Variants in AUTS2 observed in about 807,000 individuals in gnomAD.
AUTS2 encodes the protein activator of transcription and developmental regulator AUTS2.
Under a neutral mutation model 112.4 loss-of-function variants are expected in AUTS2, and 17 were observed. That is an observed-to-expected ratio of 0.15 (90% confidence interval 0.10 to 0.23). AUTS2 has a LOEUF of 0.23. AUTS2 is among the 10% of genes least tolerant of loss of function. The pLI is 1.00. For synonymous variants in AUTS2, 751 were observed against 702.7 expected (o/e 1.07, Z -1.09); for missense variants, 1,510 against 1,701.6 (o/e 0.89, Z 1.98).
At chr7:69,607,566 T>C (rs553394023) in intron 1 of AUTS2, among the ~76,000 whole-genome samples, 1 of 152,336 alleles carries the variant, frequency 6.6e-6, no homozygotes, top group Non-Finnish European at 1.5e-5. Context: ...ACAGCTCACT[T>C]TTCTAATTTC....
At chr7:70,068,753 G>T (rs1481047739) in intron 2 of AUTS2, among the ~76,000 whole-genome samples, 1 of 152,166 alleles carries the variant, frequency 6.6e-6, no homozygotes, top group Admixed American at 6.5e-5. Context: ...TCAGATCTTT[G>T]GCTGACATGT....
intron 2 of AUTS2, among the ~76,000 whole-genome samples, chr7:70,114,984 G>A (rs554873695): frequency 8.5e-5 from 13 of 152,118 alleles, no homozygotes; most frequent in Non-Finnish European, 1.5e-4. Context: ...GGAGGAGAAG[G>A]GGGTGGTGTA....
chr7:69,956,426 A>G (rs1797212370), intron 2 of AUTS2, among the ~76,000 whole-genome samples: 1 of 152,068 alleles, frequency 6.6e-6, no homozygotes, highest in Non-Finnish European at 1.5e-5. Context: ...GTTAATACAT[A>G]CTCACCTGTA....
chr7:70,700,514 GAGACGGAATC>G (rs1411749584), intron 6 of AUTS2, among the ~76,000 whole-genome samples: 1 of 152,140 alleles, frequency 6.6e-6, no homozygotes, highest in Admixed American at 6.5e-5. Flanking sequence ...TGAATGACAA[GAGACGGAATC>G]AGTGCGAATC....
At chr7:69,973,818 T>C (rs1797951973) in intron 2 of AUTS2, among the ~76,000 whole-genome samples, 1 of 152,160 alleles carries the variant, frequency 6.6e-6, no homozygotes, top group African/African-American at 2.4e-5. Flanking sequence ...TTTGTATGTA[T>C]CGCTCAATTT....
At chr7:70,252,295 C>G (rs1786642671) in intron 4 of AUTS2, among the ~76,000 whole-genome samples, 1 of 152,084 alleles carries the variant, frequency 6.6e-6, no homozygotes, top group African/African-American at 2.4e-5. Flanking sequence ...CAACCCTTAC[C>G]TTTCATCCTT....
At chr7:69,614,711 T>C (rs1793271996) in intron 1 of AUTS2, among the ~76,000 whole-genome samples, 1 of 152,066 alleles carries the variant, frequency 6.6e-6, no homozygotes, top group Non-Finnish European at 1.5e-5. Flanking sequence ...CTAGAACTCC[T>C]GGTCTCAAGT....
chr7:70,422,062 G>C (rs1795245881), intron 4 of AUTS2, among the ~76,000 whole-genome samples: 1 of 152,024 alleles, frequency 6.6e-6, no homozygotes, highest in South Asian at 2.1e-4. Context: ...TTCTACAAAG[G>C]GCAAAAGTGA....
intron 1 of AUTS2, among the ~76,000 whole-genome samples, chr7:69,651,216 A>G (rs191781826): frequency 1.4e-3 from 207 of 152,326 alleles, no homozygotes; most frequent in African/African-American, 4.9e-3. Context: ...CATCTCTGGC[A>G]AGTAGTGCAT....
intron 4 of AUTS2, among the ~76,000 whole-genome samples, chr7:70,164,855 A>T (rs1045817574): frequency 1.4e-5 from 2 of 142,268 alleles, no homozygotes; most frequent in African/African-American, 2.6e-5. Context: ...CACGTAAGAT[A>T]AAAAAAAAAG....
At chr7:69,854,494 G>A (rs1282265105) in intron 1 of AUTS2, among the ~76,000 whole-genome samples, 1 of 152,020 alleles carries the variant, frequency 6.6e-6, no homozygotes, top group Non-Finnish European at 1.5e-5. Flanking sequence ...TTCAATGAAA[G>A]GTAAAAGATA....
At chr7:70,244,438 C>G (rs1202138074) in intron 4 of AUTS2, among the ~76,000 whole-genome samples, 2 of 152,162 alleles carry the variant, frequency 1.3e-5, no homozygotes, top group African/African-American at 4.8e-5. Context: ...TAAATGAAAT[C>G]CAGCAGCCAA....
chr7:70,183,371 T>C lies in AUTS2; in HGVS notation c.660+48800T>C, dbSNP rs528368421. 1.3e-3 allele frequency among the ~76,000 whole-genome samples: 204 copies of C among 152,282 alleles called. 1 individual carries two copies. Among genetic ancestry groups the C allele is most frequent in the Middle Eastern group, 6.8e-3 (2 of 294 alleles). ...TTGGGAGAGGGTAATTACGCTAGCA[T>C]TGCCACTATTTTATCATCGCTATTT... is the stretch of plus-strand genomic sequence containing the variant. On this transcript the variant is annotated intron_variant, in intron 4 of 18. Transcript: ENST00000342771.
At chr7:69,765,872 A>G (rs1283789486) in intron 1 of AUTS2, among the ~76,000 whole-genome samples, 1 of 152,162 alleles carries the variant, frequency 6.6e-6, no homozygotes, top group Non-Finnish European at 1.5e-5. Flanking sequence ...GCTTGAGCCC[A>G]GGAGGACAAG....
chr7:70,351,685 CT>C (rs2129623415), intron 4 of AUTS2, among the ~76,000 whole-genome samples: 1 of 152,150 alleles, frequency 6.6e-6, no homozygotes, highest in Non-Finnish European at 1.5e-5. Flanking sequence ...TAAGTGTTGA[CT>C]TTTTCTTTTT....
At chr7:69,992,245 T>G (rs1186068581) in intron 2 of AUTS2, among the ~76,000 whole-genome samples, 1 of 152,208 alleles carries the variant, frequency 6.6e-6, no homozygotes, top group Non-Finnish European at 1.5e-5. Flanking sequence ...ATAAAAGATG[T>G]GAGAAGTCTG....
At chr7:69,946,557 TACACACACACACACACACACAC>T (rs57891742) in intron 2 of AUTS2, among the ~76,000 whole-genome samples, 10,471 of 144,026 alleles carry the variant, frequency 0.073, 409 homozygotes, top group Admixed American at 0.1. Context: ...TGTGATGTGA[TACACACACACACACACACACAC>T]ACACACACAC....
At chr7:70,415,749 G>A (rs962291959) in intron 4 of AUTS2, among the ~76,000 whole-genome samples, 17 of 152,272 alleles carry the variant, frequency 1.1e-4, no homozygotes, top group South Asian at 4.1e-4. Flanking sequence ...TCAGAGTTAC[G>A]GGGAGAGCAA....
chr7:70,553,810 A>G lies in AUTS2; in HGVS notation c.690+118029A>G, dbSNP rs370026851. On this transcript the variant is annotated intron_variant, in intron 5 of 18. Coordinates refer to ENST00000342771, the MANE Select transcript of AUTS2 (RefSeq NM_015570.4). ...GAGACGGAGTCTTGCTCTGTCGCCC[A>G]GGCTGGAGTGCAGTGGTGCGATTTC... 4.6e-3 allele frequency among the ~76,000 whole-genome samples: 528 copies of G among 115,128 alleles called. 3 individuals carry two copies. The highest frequency in any genetic ancestry group is 0.045 in the Middle Eastern group (5 of 110). The allele number at this position is 115,128 out of a possible 152,430, so 75.5% of individuals were successfully genotyped here. A position where few individuals can be genotyped will look rare whatever the true frequency, so the allele number is the denominator to read the frequency against.
Sources: gnomAD v4.1 joint callset for allele counts (sites outside exome capture counted in the v4.1 genomes callset) on GRCh38, gnomAD v4.1.1 for gene constraint, MANE v1.5 for transcripts, NCBI Gene and HGNC (gene_info 2026-07-23, HGNC 2026-07-21) for gene names.